ADGRB3: variants seen among roughly 807,000 people sequenced by gnomAD.
The protein encoded by ADGRB3 is adhesion G protein-coupled receptor B3, also known as brain-specific angiogenesis inhibitor 3.
A neutral mutation model predicts 193.4 loss-of-function variants in ADGRB3; 37 were observed. That is an observed-to-expected ratio of 0.19 (90% CI 0.15 to 0.25). The LOEUF (loss-of-function observed/expected upper bound fraction) is 0.25. ADGRB3 is among the 10% of genes least tolerant of loss of function. The pLI, the probability that ADGRB3 is intolerant of heterozygous loss-of-function variation, is 1.00. For synonymous variants in ADGRB3, 690 were observed against 644.2 expected, an observed-to-expected ratio of 1.07 and a Z score of -1.08; for missense variants, 1,637 against 1,852.9, an observed-to-expected ratio of 0.88 and a Z score of 2.14.
intron 3 of ADGRB3, among the ~76,000 whole-genome samples, chr6:68,829,769 T>A (rs1168561359): frequency 6.6e-6 from 1 of 152,168 alleles, no homozygotes; most frequent in African/African-American, 2.4e-5. Flanking sequence ...ATCAAATTAT[T>A]CAGGTTATTG....
intron 16 of ADGRB3, among the ~76,000 whole-genome samples, chr6:69,067,509 G>A (rs1157456877): frequency 6.6e-6 from 1 of 152,048 alleles, no homozygotes; most frequent in Non-Finnish European, 1.5e-5. Flanking sequence ...TCATCAGTGG[G>A]TATTTTCATG....
At chr6:68,710,947 T>A (rs1418079834) in intron 3 of ADGRB3, among the ~76,000 whole-genome samples, 5 of 152,092 alleles carry the variant, frequency 3.3e-5, no homozygotes, top group African/African-American at 1.2e-4. Flanking sequence ...CTTGAAATAA[T>A]CAAAAGACTT....
At chr6:69,322,700 TC>T (rs1768485750) in intron 20 of ADGRB3, among the ~76,000 whole-genome samples, 1 of 151,960 alleles carries the variant, frequency 6.6e-6, no homozygotes, top group Non-Finnish European at 1.5e-5. Flanking sequence ...CTCCTTTTTT[TC>T]TATTTTTCAA....
chr6:69,058,005 T>G (rs943962417), intron 15 of ADGRB3, among the ~76,000 whole-genome samples: 4 of 151,936 alleles, frequency 2.6e-5, no homozygotes, highest in African/African-American at 9.7e-5. Flanking sequence ...ACTTTGAGAA[T>G]GAGTTGTGTT....
Position 68,943,914 on chromosome 6 carries a change from G to A in ADGRB3, c.1115G>A (p.Cys372Tyr). 6.2e-7 allele frequency: 1 copy of A among 1,613,984 alleles called. No individual in the cohort carries two copies. Among genetic ancestry groups the A allele is most frequent in the South Asian group, 1.1e-5 (1 of 91,072 alleles). The change falls in exon 6 of 32, where the codon TGC (cysteine) becomes TAC (tyrosine). Residue 372 changes from cysteine (C) to tyrosine (Y), a missense_variant. By Grantham distance (194) the Cys-to-Tyr change is radical. Transcript: ENST00000370598. ...GRGQRTRTRSCTPPQYGGRPC... is the reference protein window; with the variant it reads ...GRGQRTRTRSYTPPQYGGRPC... ...GGCCAAAGAACAAGAACAAGGTCAT[G>A]CACACCTCCTCAGTATGGAGGAAGG...
chr6:68,756,556 C>T (rs889633391), intron 3 of ADGRB3, among the ~76,000 whole-genome samples: 1 of 152,010 alleles, frequency 6.6e-6, no homozygotes, highest in Non-Finnish European at 1.5e-5. Context: ...GGATTATTTT[C>T]CTGTAGTGCA....
intron 17 of ADGRB3, among the ~76,000 whole-genome samples, chr6:69,123,485 C>T (rs1292968125): frequency 6.6e-6 from 1 of 152,120 alleles, no homozygotes; most frequent in Non-Finnish European, 1.5e-5. Flanking sequence ...CAACAGTGAA[C>T]TAAACAAGCA....
chr6:69,184,926 G>C (rs1765037750), intron 17 of ADGRB3, among the ~76,000 whole-genome samples: 1 of 152,088 alleles, frequency 6.6e-6, no homozygotes, highest in Non-Finnish European at 1.5e-5. Flanking sequence ...AAATGCAATA[G>C]AGTGAAGGGA....
At chr6:69,121,693 C>A (rs1773693015) in intron 17 of ADGRB3, among the ~76,000 whole-genome samples, 1 of 150,838 alleles carries the variant, frequency 6.6e-6, no homozygotes, top group South Asian at 2.1e-4. Context: ...CCTCACCTCC[C>A]AGATGGGGTG....
intron 13 of ADGRB3, among the ~76,000 whole-genome samples, chr6:69,037,718 A>G (rs1280722163): frequency 6.6e-6 from 1 of 150,984 alleles, no homozygotes; most frequent in Non-Finnish European, 1.5e-5. Context: ...ATCTTTCCCT[A>G]TTTATTTCCC....
At chr6:68,788,195 A>T (rs1767017666) in intron 3 of ADGRB3, among the ~76,000 whole-genome samples, 1 of 152,114 alleles carries the variant, frequency 6.6e-6, no homozygotes, top group Non-Finnish European at 1.5e-5. Context: ...GCCTTCTGCT[A>T]GCTTTTGAAT....
At chr6:69,101,391 A>G (rs1773050411) in intron 17 of ADGRB3, among the ~76,000 whole-genome samples, 1 of 151,868 alleles carries the variant, frequency 6.6e-6, no homozygotes, top group South Asian at 2.1e-4. Context: ...GAAATGGAGT[A>G]CTATTAAGGC....
chr6:69,071,463 A>G (rs994591686), intron 16 of ADGRB3, among the ~76,000 whole-genome samples: 1 of 152,190 alleles, frequency 6.6e-6, no homozygotes, highest in African/African-American at 2.4e-5. Context: ...GAGAGAAGTA[A>G]AAGAAAATAG....
chr6:69,274,852 A>C (rs1767266969), intron 20 of ADGRB3, among the ~76,000 whole-genome samples: 1 of 152,058 alleles, frequency 6.6e-6, no homozygotes, highest in African/African-American at 2.4e-5. Context: ...ACGGCAATAA[A>C]ACATCAATGG....
At chr6:69,136,368 A>G (rs1774149683) in intron 17 of ADGRB3, among the ~76,000 whole-genome samples, 1 of 152,128 alleles carries the variant, frequency 6.6e-6, no homozygotes, top group Non-Finnish European at 1.5e-5. Context: ...AAGAATGTAT[A>G]CTTACAACTT....
chr6:69,222,747 T>G (rs1218907165), intron 17 of ADGRB3, among the ~76,000 whole-genome samples: 3 of 152,162 alleles, frequency 2.0e-5, no homozygotes, highest in Non-Finnish European at 4.4e-5. Flanking sequence ...TATTATTGAG[T>G]AGGTACAAAA....
intron 3 of ADGRB3, among the ~76,000 whole-genome samples, chr6:68,813,537 G>A (rs1017868998): frequency 7.9e-5 from 12 of 151,330 alleles, no homozygotes; most frequent in African/African-American, 2.4e-5. Flanking sequence ...ACAGTGAAAG[G>A]AATTTGACTT....
intron 3 of ADGRB3, among the ~76,000 whole-genome samples, chr6:68,776,554 T>C (rs1395467555): frequency 6.6e-6 from 1 of 152,172 alleles, no homozygotes; most frequent in African/African-American, 2.4e-5. Context: ...ACTCCCACTC[T>C]TAAACATTGG....
At chr6:68,941,842 T>C (rs1019639633) in intron 5 of ADGRB3, among the ~76,000 whole-genome samples, 1 of 151,270 alleles carries the variant, frequency 6.6e-6, no homozygotes, top group Admixed American at 6.6e-5. Context: ...TATATACATA[T>C]ATGAATATTT....
Sources: allele counts gnomAD v4.1 joint callset (sites outside exome capture counted in the v4.1 genomes callset), GRCh38; gene constraint gnomAD v4.1.1; transcripts MANE v1.5; gene names NCBI Gene and HGNC (gene_info 2026-07-23, HGNC 2026-07-21).